Variants in ADAM19 observed in about 807,000 individuals in gnomAD.
The protein encoded by ADAM19 is ADAM metallopeptidase domain 19.
A neutral mutation model predicts 114.7 loss-of-function variants in ADAM19; 65 were observed. That is an observed-to-expected ratio of 0.57 (90% CI 0.46 to 0.70). ADAM19 has a LOEUF of 0.70. Ranked by LOEUF, ADAM19 falls within the 30% of genes least tolerant of loss-of-function variation. The pLI is 0.00. For missense variants in ADAM19, 1,063 were observed against 1,204.7 expected (o/e 0.88, Z 1.74); for synonymous variants, 466 against 460.5 (o/e 1.01, Z -0.15).
chr5:157,492,337 T>C (rs747598290), intron 16 of ADAM19, among the ~76,000 whole-genome samples: 7 of 152,072 alleles, frequency 4.6e-5, no homozygotes. Context: ...ACACTTCAGG[T>C]TACTATCAAA....
intron 12 of ADAM19, among the ~76,000 whole-genome samples, chr5:157,500,756 C>A (rs1243386101): frequency 6.6e-6 from 1 of 152,184 alleles, no homozygotes; most frequent in African/African-American, 2.4e-5. Context: ...CTTGCTCTCC[C>A]CCAGCCTGAG....
chr5:157,515,289 T>C (rs979237229), intron 7 of ADAM19, among the ~76,000 whole-genome samples: 4 of 152,246 alleles, frequency 2.6e-5, no homozygotes, highest in African/African-American at 7.2e-5. Flanking sequence ...TTCCATTCAT[T>C]TAGTAATATT....
At chr5:157,498,167 G>A (rs760221509) in intron 13 of ADAM19, among the ~76,000 whole-genome samples, 1 of 152,004 alleles carries the variant, frequency 6.6e-6, no homozygotes, top group African/African-American at 2.4e-5. Flanking sequence ...CCCACCCACA[G>A]GGTCCTTCCA....
intron 21 of ADAM19, among the ~76,000 whole-genome samples, chr5:157,483,595 T>C (rs1026444418): frequency 6.6e-6 from 1 of 151,118 alleles, no homozygotes; most frequent in South Asian, 2.1e-4. Flanking sequence ...TACACTGGGA[T>C]GGGGTGCAAA....
chr5:157,530,972 G>A, intron 4 of ADAM19, 89 bp from the exon 5 acceptor site: 2 of 1,146,792 alleles, frequency 1.7e-6, no homozygotes, highest in South Asian at 2.5e-5. Context: ...ATGACTCATG[G>A]CTTATTATAT....
At chr5:157,542,710 C>T (rs941568636) in intron 3 of ADAM19, among the ~76,000 whole-genome samples, 3 of 152,250 alleles carry the variant, frequency 2.0e-5, no homozygotes, top group Admixed American at 1.3e-4. Flanking sequence ...GAGGCTGAGG[C>T]AGGAGAATCG....
chr5:157,522,173 C>T (rs1264572231), intron 5 of ADAM19, among the ~76,000 whole-genome samples: 1 of 152,222 alleles, frequency 6.6e-6, no homozygotes, highest in Non-Finnish European at 1.5e-5. Flanking sequence ...TTCCCACCAC[C>T]TTCCTAGGAT....
At chr5:157,499,902 C>T (rs1039187238) in intron 12 of ADAM19, among the ~76,000 whole-genome samples, 13 of 151,932 alleles carry the variant, frequency 8.6e-5, no homozygotes, top group South Asian at 2.1e-4. Context: ...CCTCAGCCTC[C>T]GAAGTAACTC....
Position 157,502,820 on chromosome 5 carries a change from C to T in ADAM19, c.1291G>A (p.Asp431Asn). 2 of 1,614,148 alleles carry T rather than the reference C, an allele frequency of 1.2e-6. No homozygotes were observed. ...CCCCTCACCTCTTCTTCTCCACAGT[C>T]ACACTCTTCCCCATCTTCCAGATAC... ...NGYLEDGEECDCGEEEECNNP... is the reference protein window; with the variant it reads ...NGYLEDGEECNCGEEEECNNP... Residue 431 changes from aspartate to asparagine, a missense_variant, in exon 12 of 23, where the codon GAC (aspartate) becomes AAC (asparagine). Coordinates refer to ENST00000257527, the MANE Select transcript of ADAM19 (RefSeq NM_033274.5).
intron 8 of ADAM19, among the ~76,000 whole-genome samples, chr5:157,511,296 A>T (rs1268788382): frequency 6.6e-6 from 1 of 152,216 alleles, no homozygotes; most frequent in Non-Finnish European, 1.5e-5. Context: ...TCATAGCACC[A>T]ACATTTTTCC....
At chr5:157,498,386 C>T (rs893233080) in intron 13 of ADAM19, among the ~76,000 whole-genome samples, 3 of 152,248 alleles carry the variant, frequency 2.0e-5, no homozygotes, top group African/African-American at 7.2e-5. Flanking sequence ...CACATCCCAG[C>T]TCCTTAACCG....
At position 157,478,980 on chromosome 5, in the gene ADAM19, G is replaced by T. The variant is rs984258234; in HGVS notation, c.*1969C>A. On this transcript the variant is annotated 3_prime_UTR_variant, in exon 23 of 23. Coordinates refer to ENST00000257527, the MANE Select transcript of ADAM19 (RefSeq NM_033274.5). The stretch of plus-strand genomic sequence containing the variant: ...GGGTTGGGTTTTGAGGATGTTGCTT[G>T]TTTGTTTTGCAGAGGGGTGAAAGGG... The T allele has an allele frequency of 2.3e-5, 23 of 985,524 alleles. No individual in the cohort carries two copies. Among genetic ancestry groups the T allele is most frequent in the Non-Finnish European group, 2.7e-5 (22 of 829,966 alleles). The allele number at this position is 985,524 out of a possible 1,614,324, so 61.0% of individuals were successfully genotyped here.
intron 3 of ADAM19, among the ~76,000 whole-genome samples, chr5:157,551,360 C>CG (rs1757190126): frequency 6.8e-6 from 1 of 146,988 alleles, no homozygotes. Context: ...GCTGAGATTG[C>CG]GCCATTGCAC....
At chr5:157,503,094 A>C (rs1581306972) in intron 11 of ADAM19, 114 bp from the exon 12 acceptor site, 6 of 860,148 alleles carry the variant, frequency 7.0e-6, no homozygotes, top group Non-Finnish European at 5.5e-6. Context: ...CTGGGTTCAG[A>C]CCCCCATTGT....
chr5:157,551,610 A>G (rs1757200391), intron 3 of ADAM19, among the ~76,000 whole-genome samples: 1 of 152,092 alleles, frequency 6.6e-6, no homozygotes, highest in South Asian at 2.1e-4. Flanking sequence ...AGCAAAGGAT[A>G]CAATCAACAA....
At chr5:157,528,358 G>A (rs1295553401) in intron 5 of ADAM19, among the ~76,000 whole-genome samples, 2 of 152,184 alleles carry the variant, frequency 1.3e-5, no homozygotes, top group East Asian at 1.9e-4. Context: ...TTTACAAGAC[G>A]CCAAGCCAAG....
At chr5:157,570,869 T>G in intron 2 of ADAM19, 26 bp downstream of exon 2, 1 of 1,601,946 alleles carries the variant, frequency 6.2e-7, no homozygotes, top group East Asian at 2.2e-5. Flanking sequence ...CTCCTGCCAG[T>G]GTAAATGAGG....
intron 4 of ADAM19, among the ~76,000 whole-genome samples, chr5:157,531,118 G>T (rs1756611179): frequency 6.6e-6 from 1 of 152,146 alleles, no homozygotes; most frequent in Non-Finnish European, 1.5e-5. Flanking sequence ...AAAAGCTGAG[G>T]CTCAAAGGAG....
chr5:157,489,338 A>G (rs1456470443), intron 19 of ADAM19, 152 bp from the exon 20 acceptor site: 1 of 638,854 alleles, frequency 1.6e-6, no homozygotes. Flanking sequence ...CTCGAACCAC[A>G]TCTTCCTAAG....
Sources: gnomAD v4.1 joint callset for allele counts (sites outside exome capture counted in the v4.1 genomes callset) on GRCh38, gnomAD v4.1.1 for gene constraint, MANE v1.5 for transcripts, NCBI Gene and HGNC (gene_info 2026-07-23, HGNC 2026-07-21) for gene names.